ASCC1: variants seen among roughly 807,000 people sequenced by gnomAD.
ASCC1 encodes activating signal cointegrator 1 complex subunit 1.
Under a neutral mutation model 46.6 loss-of-function variants are expected in ASCC1, and 35 were observed. The ratio of observed to expected loss-of-function variants is 0.75; its 90% CI spans 0.57 to 0.99. ASCC1 has a LOEUF of 0.99. ASCC1 is among the 50% of genes least tolerant of loss of function. ASCC1 has a pLI of 0.00. For synonymous variants in ASCC1, 143 were observed against 146.6 expected, an observed-to-expected ratio of 0.98 and a Z score of 0.18; for missense variants, 376 against 428.7, an observed-to-expected ratio of 0.88 and a Z score of 1.09.
chr10:72,208,006 T>C (rs749517678), intron 3 of ASCC1, among the ~76,000 whole-genome samples: 32 of 151,946 alleles, frequency 2.1e-4, no homozygotes, highest in Non-Finnish European at 4.1e-4. Context: ...TATTTTTTGT[T>C]GTAGAAACAG....
intron 3 of ASCC1, among the ~76,000 whole-genome samples, chr10:72,206,510 A>T (rs181175753): frequency 6.3e-4 from 96 of 152,344 alleles, no homozygotes; most frequent in African/African-American, 1.9e-3. Context: ...AGAGCTTCCC[A>T]ATAAGTGGCA....
At chr10:72,144,254 C>T (rs888646642) in intron 7 of ASCC1, among the ~76,000 whole-genome samples, 36 of 152,278 alleles carry the variant, frequency 2.4e-4, no homozygotes, top group Admixed American at 5.9e-4. Flanking sequence ...GGATTACAGG[C>T]GTGAGCCACC....
At chr10:72,180,956 A>G (rs1852506923) in intron 5 of ASCC1, 2 of 185,162 alleles carry the variant, frequency 1.1e-5, no homozygotes, top group South Asian at 1.2e-4. Context: ...GTTCAAAAGC[A>G]TTATTCTATT....
Position 72,184,789 on chromosome 10 carries a change from C to CAA in ASCC1, c.489+12020_489+12021dup, listed in dbSNP as rs748889579. Among the ~76,000 whole-genome samples the CAA allele has an allele frequency of 1.1e-3, 114 of 99,258 alleles. 1 individual carries two copies. In the East Asian group the frequency reaches 0.013, roughly 11 times the overall value. 65.1% of individuals were successfully genotyped at this position (99,258 alleles called of 152,430 possible). ...TGGGTGACACAGCAAGACTCTATCTCAAAAAAAAAAAAAAAATTTATAACA... is the reference window on the plus strand; with the variant it reads ...TGGGTGACACAGCAAGACTCTATCTCAAAAAAAAAAAAAAAAAATTTATAACA... On this transcript the variant is annotated intron_variant, in intron 5 of 9. Transcript: ENST00000672957.
Position 72,203,008 on chromosome 10 carries a change from C to T in ASCC1, c.310+419G>A, listed in dbSNP as rs181820891. Among the ~76,000 whole-genome samples the T allele has an allele frequency of 2.4e-3, 361 of 152,136 alleles. 1 individual carries two copies. Among genetic ancestry groups the T allele is most frequent in the African/African-American group, 7.7e-3 (319 of 41,520 alleles). ...AACCATAAAGACGCCCATAGCTGGC[C>T]GGGCACGGTGGCTCACGTCTATAAT... On this transcript the variant is annotated intron_variant, in intron 4 of 9. Coordinates refer to ENST00000672957, the MANE Select transcript of ASCC1 (RefSeq NM_001198800.3).
At chr10:72,212,596 C>T (rs1427649616) in intron 2 of ASCC1, among the ~76,000 whole-genome samples, 4 of 151,930 alleles carry the variant, frequency 2.6e-5, no homozygotes, top group African/African-American at 9.7e-5. Flanking sequence ...GCCTGTAATC[C>T]CAGCACTTTG....
intron 3 of ASCC1, chr10:72,204,330 C>G: frequency 1.4e-6 from 2 of 1,463,530 alleles, no homozygotes; most frequent in Non-Finnish European, 1.9e-6. Context: ...GAGCTACAGC[C>G]AACTCTCGAC....
intron 6 of ASCC1, among the ~76,000 whole-genome samples, chr10:72,158,394 C>A (rs1849240551): frequency 6.6e-6 from 1 of 152,180 alleles, no homozygotes; most frequent in South Asian, 2.1e-4. Context: ...GCTGCTGTGA[C>A]TGAAGAAGAG....
At chr10:72,211,907 G>T (rs1203830889) in intron 2 of ASCC1, among the ~76,000 whole-genome samples, 1 of 152,194 alleles carries the variant, frequency 6.6e-6, no homozygotes, top group Middle Eastern at 3.2e-3. Context: ...ATACAGGCCG[G>T]TCATGGTGGC....
intron 4 of ASCC1, among the ~76,000 whole-genome samples, chr10:72,201,028 G>A (rs146927268): frequency 3.2e-4 from 48 of 152,274 alleles, no homozygotes; most frequent in African/African-American, 1.1e-3. Context: ...TACCTGACAC[G>A]TGCGGCTCCT....
At chr10:72,109,621 A>C (rs1842708146) in intron 9 of ASCC1, among the ~76,000 whole-genome samples, 1 of 152,210 alleles carries the variant, frequency 6.6e-6, no homozygotes, top group Non-Finnish European at 1.5e-5. Flanking sequence ...CTGCTGATGT[A>C]AGGATTATCA....
At chr10:72,179,276 C>T (rs1398545755) in intron 5 of ASCC1, among the ~76,000 whole-genome samples, 3 of 152,294 alleles carry the variant, frequency 2.0e-5, no homozygotes, top group African/African-American at 7.2e-5. Context: ...GATGGGATTA[C>T]AGGTGTGAGC....
chr10:72,167,445 T>C (rs988552135), intron 5 of ASCC1, among the ~76,000 whole-genome samples: 2 of 152,122 alleles, frequency 1.3e-5, no homozygotes, highest in Non-Finnish European at 2.9e-5. Flanking sequence ...TTGCCTGTGG[T>C]GAGGAGTGGG....
intron 6 of ASCC1, among the ~76,000 whole-genome samples, chr10:72,157,421 TCAC>T (rs1849114405): frequency 1.3e-5 from 2 of 152,222 alleles, no homozygotes. Context: ...CCAGAAAGCA[TCAC>T]CACACCATTG....
intron 9 of ASCC1, 88 bp from the exon 10 acceptor site, chr10:72,097,538 C>G: frequency 1.3e-6 from 1 of 775,940 alleles, no homozygotes; most frequent in Non-Finnish European, 2.2e-6. Context: ...AAACACCAAA[C>G]CACAACAATC....
At chr10:72,172,179 G>A (rs996791236) in intron 5 of ASCC1, among the ~76,000 whole-genome samples, 1 of 151,996 alleles carries the variant, frequency 6.6e-6, no homozygotes, top group African/African-American at 2.4e-5. Context: ...ACTTTGGGAG[G>A]CCGAGGCGGG....
At chr10:72,175,896 A>G (rs1589469047) in intron 5 of ASCC1, among the ~76,000 whole-genome samples, 1 of 152,260 alleles carries the variant, frequency 6.6e-6, no homozygotes, top group Non-Finnish European at 1.5e-5. Context: ...ATGGGTTAAC[A>G]GCGCAAGAGA....
chr10:72,145,337 C>T (rs934185156), intron 7 of ASCC1, among the ~76,000 whole-genome samples: 2 of 152,192 alleles, frequency 1.3e-5, no homozygotes, highest in Non-Finnish European at 1.5e-5. Flanking sequence ...TTCTTCAGGT[C>T]TCCATCTGTA....
intron 5 of ASCC1, among the ~76,000 whole-genome samples, chr10:72,172,949 A>T (rs1311643595): frequency 1.5e-5 from 2 of 137,066 alleles, no homozygotes; most frequent in African/African-American, 2.7e-5. Flanking sequence ...ATTATATATT[A>T]TATTTTATAT....
Sources: allele counts gnomAD v4.1 joint callset (sites outside exome capture counted in the v4.1 genomes callset), GRCh38; gene constraint gnomAD v4.1.1; transcripts MANE v1.5; gene names NCBI Gene and HGNC (gene_info 2026-07-23, HGNC 2026-07-21).